GOLGA4: variants seen among roughly 807,000 people sequenced by gnomAD.
The protein encoded by GOLGA4 is golgin A4, also known as golgin subfamily A member 4.
A neutral mutation model predicts 265.9 loss-of-function variants in GOLGA4; 169 were observed. The ratio of observed to expected loss-of-function variants is 0.64; its 90% confidence interval spans 0.56 to 0.72. The LOEUF is 0.72. Among genes scored for constraint, GOLGA4 ranks in the 30% least tolerant of loss-of-function variants. GOLGA4 has a pLI of 0.00. For synonymous variants in GOLGA4, 923 were observed against 855.8 expected (o/e 1.08, Z -1.37); for missense variants, 2,482 against 2,483.4 (o/e 1.00, Z 0.01).
intron 22 of GOLGA4, among the ~76,000 whole-genome samples, chr3:37,356,187 G>T (rs866344962): frequency 1.3e-5 from 2 of 151,964 alleles, no homozygotes; most frequent in Non-Finnish European, 2.9e-5. Flanking sequence ...CAAAAATCTG[G>T]GGATGGCCTA....
At chr3:37,315,974 G>A (rs2096936537) in intron 11 of GOLGA4, among the ~76,000 whole-genome samples, 1 of 152,150 alleles carries the variant, frequency 6.6e-6, no homozygotes, top group Admixed American at 6.5e-5. Flanking sequence ...GTAAGTGACT[G>A]AGGGGCTAGA....
rs147038607 is a variant in GOLGA4, at chr3:37,342,114, G to C, written c.6472+1915G>C. Among the ~76,000 whole-genome samples the C allele has an allele frequency of 5.3e-3, 807 of 152,216 alleles. 3 individuals carry two copies. Among genetic ancestry groups the C allele is most frequent in the Admixed American group, 9.3e-3 (143 of 15,296 alleles). ...TCCCAGCACTTTGGGAGGCCAAAGTGGGTGGATCACTTGAGGCCGGGAGTT... is the reference window on the plus strand; with the variant it reads ...TCCCAGCACTTTGGGAGGCCAAAGTCGGTGGATCACTTGAGGCCGGGAGTT... On this transcript the variant is annotated intron_variant, in intron 20 of 23. Coordinates refer to ENST00000361924, the MANE Select transcript of GOLGA4 (RefSeq NM_002078.5).
intron 18 of GOLGA4, 26 bp downstream of exon 18, chr3:37,337,189 T>TTTTTTTTTTTTTTTTTTTTTTTTG: frequency 8.3e-7 from 1 of 1,211,724 alleles, no homozygotes. Flanking sequence ...CTTTTTTTTT[T>TTTTTTTTTTTTTTTTTTTTTTTTG]TTTCTTTTTT....
intron 2 of GOLGA4, among the ~76,000 whole-genome samples, chr3:37,272,505 C>T (rs895863745): frequency 6.6e-6 from 1 of 152,108 alleles, no homozygotes; most frequent in South Asian, 2.1e-4. Flanking sequence ...TCATTGCACT[C>T]CATCTTGGGC....
chr3:37,327,800 G>T lies in GOLGA4; in HGVS notation c.5914G>T (p.Asp1972Tyr). Residue 1972 changes from aspartate (D) to tyrosine (Y), a missense_variant, in exon 14 of 24, where the codon GAT becomes TAT. Around this residue, in one of 3 missense-constraint regions of GOLGA4, gnomAD observed 942 missense variants for 983.1 expected, o/e 0.96. Transcript: ENST00000361924. ...ATTGGAAATACTAAAGAAAGAATATGATCAAGAAAGGGAAGAGAAAATCAA... is the reference window on the plus strand; with the variant it reads ...ATTGGAAATACTAAAGAAAGAATATTATCAAGAAAGGGAAGAGAAAATCAA... Reference protein sequence around the residue: ...QELEILKKEYDQEREEKIKQE... With the variant: ...QELEILKKEYYQEREEKIKQE... The T allele has an allele frequency of 1.2e-6, 2 of 1,606,602 alleles. No homozygotes were observed. Among genetic ancestry groups the T allele is most frequent in the African/African-American group, 1.3e-5 (1 of 74,752 alleles).
intron 1 of GOLGA4, chr3:37,250,091 C>T (rs370622450): frequency 2.0e-5 from 3 of 152,178 alleles, no homozygotes; most frequent in East Asian, 1.9e-4. Context: ...TTCTAACTTA[C>T]GGACTTATAA....
At chr3:37,285,988 TA>T in intron 3 of GOLGA4, 25 bp from the exon 4 acceptor site, 1 of 1,388,052 alleles carries the variant, frequency 7.2e-7, no homozygotes, top group Non-Finnish European at 1.0e-6. Flanking sequence ...TAGGAATGAC[TA>T]ATGTTGTTGA....
At chr3:37,328,671 C>G (rs767748228) in intron 15 of GOLGA4, 134 bp downstream of exon 15, 1 of 880,506 alleles carries the variant, frequency 1.1e-6, no homozygotes, top group Non-Finnish European at 1.7e-6. Flanking sequence ...CAATAACATT[C>G]TCTAATGGGA....
intron 23 of GOLGA4, among the ~76,000 whole-genome samples, chr3:37,364,153 T>G (rs960251299): frequency 6.6e-6 from 1 of 152,224 alleles, no homozygotes; most frequent in Non-Finnish European, 1.5e-5. Flanking sequence ...AAAGTTTGCC[T>G]CTATTAATCT....
chr3:37,292,579 G>A (rs542745728), intron 5 of GOLGA4, among the ~76,000 whole-genome samples: 2 of 152,192 alleles, frequency 1.3e-5, no homozygotes, highest in Non-Finnish European at 2.9e-5. Flanking sequence ...CCAGCTACTC[G>A]GTAGGCTGAG....
At chr3:37,310,832 G>A (rs1052584778) in intron 10 of GOLGA4, among the ~76,000 whole-genome samples, 2 of 151,948 alleles carry the variant, frequency 1.3e-5, no homozygotes, top group African/African-American at 4.8e-5. Flanking sequence ...TTCGTGCTTA[G>A]CCTTCCTATT....
At chr3:37,258,275 T>C (rs908297727) in intron 2 of GOLGA4, among the ~76,000 whole-genome samples, 1 of 149,306 alleles carries the variant, frequency 6.7e-6, no homozygotes, top group Admixed American at 6.8e-5. Flanking sequence ...ATATAGAGCA[T>C]ATATATGATA....
intron 20 of GOLGA4, among the ~76,000 whole-genome samples, chr3:37,344,354 G>A (rs2097049152): frequency 6.6e-6 from 1 of 152,176 alleles, no homozygotes; most frequent in Non-Finnish European, 1.5e-5. Context: ...CACCCGCCTT[G>A]GCCTCCCAAA....
intron 15 of GOLGA4, among the ~76,000 whole-genome samples, 199 bp downstream of exon 15, chr3:37,328,736 A>G (rs376294637): frequency 6.6e-6 from 1 of 152,152 alleles, no homozygotes; most frequent in East Asian, 1.9e-4. Flanking sequence ...AGGTAAAACA[A>G]TCTGAAAGTA....
At chr3:37,306,779 T>C (rs1469519437) in intron 10 of GOLGA4, among the ~76,000 whole-genome samples, 20 of 152,138 alleles carry the variant, frequency 1.3e-4, no homozygotes, top group Non-Finnish European at 1.5e-4. Context: ...TTTTAATGGC[T>C]GTGTCAAAGT....
intron 4 of GOLGA4, 75 bp from the exon 5 acceptor site, chr3:37,289,159 AT>A: frequency 2.6e-6 from 2 of 771,784 alleles, no homozygotes; most frequent in South Asian, 1.8e-5. Context: ...AAAAATAATT[AT>A]TTTTGACTTG....
intron 2 of GOLGA4, among the ~76,000 whole-genome samples, chr3:37,281,396 A>G (rs1043609749): frequency 6.6e-6 from 1 of 152,122 alleles, no homozygotes; most frequent in Non-Finnish European, 1.5e-5. Flanking sequence ...TTATTAAACA[A>G]AGTGGGTTCA....
In GOLGA4 at chr3:37,337,231, A is replaced by G. The variant is rs1168431027; in HGVS notation, c.6327+68A>G. The G allele has an allele frequency of 4.7e-6, 4 of 852,658 alleles. No homozygotes were observed. In the East Asian group the frequency reaches 7.8e-5, roughly 17 times the overall value. 52.8% of individuals were successfully genotyped at this position (852,658 alleles called of 1,614,324 possible). A position where few individuals can be genotyped will look rare whatever the true frequency, so the allele number is the denominator to read the frequency against. ...GAGACAGATTCTCACTCTGTTGCCC[A>G]GGCTGTTGCCCAGGCTGGAGTGCAG... On this transcript the variant is annotated intron_variant, in intron 18 of 23. Coordinates refer to ENST00000361924, the MANE Select transcript of GOLGA4 (RefSeq NM_002078.5).
chr3:37,343,615 A>G (rs1191809905), intron 20 of GOLGA4, among the ~76,000 whole-genome samples: 1 of 152,086 alleles, frequency 6.6e-6, no homozygotes, highest in Non-Finnish European at 1.5e-5. Flanking sequence ...GTCCTTCTCC[A>G]CCTTTGCTTT....
Sources: gnomAD v4.1 joint callset for allele counts (sites outside exome capture counted in the v4.1 genomes callset) on GRCh38, gnomAD v4.1.1 for gene constraint, gnomAD v4.1.1 regional missense constraint, MANE v1.5 for transcripts, NCBI Gene and HGNC (gene_info 2026-07-23, HGNC 2026-07-21) for gene names.